CLYBL: variants seen among roughly 807,000 people sequenced by gnomAD.
The protein encoded by CLYBL is citramalyl-CoA lyase.
A neutral mutation model predicts 38.9 loss-of-function variants in CLYBL; 31 were observed. That is an observed-to-expected ratio of 0.80 (90% confidence interval 0.60 to 1.08). The LOEUF (loss-of-function observed/expected upper bound fraction) is 1.08. Among genes scored for constraint, CLYBL ranks in the 50% least tolerant of loss-of-function variants. The probability of loss-of-function intolerance (pLI) is 0.00; values close to 1 mark genes in which losing one functional copy is unlikely to be tolerated. For synonymous variants in CLYBL, 171 were observed against 158.6 expected, an observed-to-expected ratio of 1.08 and a Z score of -0.59; for missense variants, 434 against 411.6, an observed-to-expected ratio of 1.05 and a Z score of -0.47.
intron 7 of CLYBL, among the ~76,000 whole-genome samples, chr13:99,890,166 G>A (rs2052452468): frequency 6.6e-6 from 1 of 152,166 alleles, no homozygotes; most frequent in African/African-American, 2.4e-5. Flanking sequence ...TCTTCTTAAT[G>A]TGGGGATCTC....
At position 99,682,952 on chromosome 13, in the gene CLYBL, G is replaced by A. The variant is rs368142588; in HGVS notation, c.62+76195G>A. Among the ~76,000 whole-genome samples, 165 of 152,110 alleles carry A rather than the reference G, an allele frequency of 1.1e-3. 4 individuals carry two copies. The East Asian group carries it at 0.025, about 23-fold the overall frequency. ...GGGGTTTCGCCATGTTGGCCAGGCT[G>A]GTCTCGAACTCCTGACCTCAGGTGA... On this transcript the variant is annotated intron_variant, in intron 1 of 8. Coordinates refer to ENST00000339105, the MANE Select transcript of CLYBL (RefSeq NM_206808.5).
At chr13:99,803,582 A>G (rs746649298) in intron 2 of CLYBL, among the ~76,000 whole-genome samples, 1 of 152,226 alleles carries the variant, frequency 6.6e-6, no homozygotes, top group Non-Finnish European at 1.5e-5. Flanking sequence ...GACTTTCCTA[A>G]TATGTGTAAT....
chr13:99,739,948 G>A (rs2048724927), intron 1 of CLYBL, among the ~76,000 whole-genome samples: 1 of 151,940 alleles, frequency 6.6e-6, no homozygotes. Context: ...TCCGGCCTGG[G>A]CAAGAAAAGC....
chr13:99,825,415 A>G (rs2050676029), intron 2 of CLYBL, among the ~76,000 whole-genome samples: 3 of 152,180 alleles, frequency 2.0e-5, no homozygotes, highest in South Asian at 2.1e-4. Context: ...TGCCCTGTAA[A>G]TGTTGCTTAT....
At chr13:99,639,071 A>G (rs529910177) in intron 1 of CLYBL, among the ~76,000 whole-genome samples, 2 of 152,340 alleles carry the variant, frequency 1.3e-5, no homozygotes, top group South Asian at 4.1e-4. Flanking sequence ...TTTGAAAAAA[A>G]TCATCTGCTT....
chr13:99,785,160 T>C (rs1312582608), intron 2 of CLYBL, among the ~76,000 whole-genome samples: 4 of 141,412 alleles, frequency 2.8e-5, no homozygotes. Flanking sequence ...CCCAAAGAGC[T>C]GGGATTACAG....
At chr13:99,875,415 C>T (rs1247837603) in intron 7 of CLYBL, among the ~76,000 whole-genome samples, 1 of 152,196 alleles carries the variant, frequency 6.6e-6, no homozygotes, top group African/African-American at 2.4e-5. Flanking sequence ...ATACATCCCT[C>T]CTCCCAAAAT....
chr13:99,906,486 C>T (rs1055705423), intron 9 of CLYBL, among the ~76,000 whole-genome samples: 4 of 151,632 alleles, frequency 2.6e-5, no homozygotes, highest in African/African-American at 7.3e-5. Context: ...CCCAGTGGCG[C>T]GATCTCGGCT....
chr13:99,822,368 C>G (rs546367024), intron 2 of CLYBL, among the ~76,000 whole-genome samples: 2 of 152,282 alleles, frequency 1.3e-5, no homozygotes, highest in South Asian at 4.1e-4. Context: ...AAAACTGGGA[C>G]AGGATCAGAG....
At chr13:99,661,519 C>CT (rs2047409312) in intron 1 of CLYBL, among the ~76,000 whole-genome samples, 1 of 152,008 alleles carries the variant, frequency 6.6e-6, no homozygotes, top group Non-Finnish European at 1.5e-5. Flanking sequence ...TTTTTTATCC[C>CT]TTTTTGCATA....
At chr13:99,881,891 T>C (rs917697126) in intron 7 of CLYBL, among the ~76,000 whole-genome samples, 2 of 152,200 alleles carry the variant, frequency 1.3e-5, no homozygotes, top group African/African-American at 4.8e-5. Flanking sequence ...CTAGTATTTC[T>C]GGTATTGTAA....
chr13:99,716,223 C>G (rs539504347), intron 1 of CLYBL, among the ~76,000 whole-genome samples: 14 of 85,596 alleles, frequency 1.6e-4, no homozygotes, highest in African/African-American at 6.2e-4. Context: ...CAAGGTCTCG[C>G]TATGTTGCTC....
At chr13:99,666,198 G>T (rs1000937038) in intron 1 of CLYBL, among the ~76,000 whole-genome samples, 3 of 152,180 alleles carry the variant, frequency 2.0e-5, no homozygotes, top group Non-Finnish European at 4.4e-5. Flanking sequence ...AGTGACGGGG[G>T]TTAAGGGAAG....
At chr13:99,607,826 C>CT (rs2046552686) in intron 1 of CLYBL, among the ~76,000 whole-genome samples, 1 of 152,116 alleles carries the variant, frequency 6.6e-6, no homozygotes, top group African/African-American at 2.4e-5. Context: ...TTACTGCAAC[C>CT]TCCACCTCCT....
chr13:99,716,858 C>T (rs1367041410), intron 1 of CLYBL, among the ~76,000 whole-genome samples: 6 of 133,610 alleles, frequency 4.5e-5, no homozygotes, highest in African/African-American at 1.7e-4. Context: ...ATGGCACGAT[C>T]TTGGCTCACC....
intron 1 of CLYBL, among the ~76,000 whole-genome samples, chr13:99,633,264 G>C (rs941272413): frequency 4.0e-5 from 6 of 149,902 alleles, no homozygotes; most frequent in Non-Finnish European, 7.4e-5. Context: ...ATAAGGCCAG[G>C]TGTGGTAGCT....
At chr13:99,777,496 CT>C (rs200830971) in intron 2 of CLYBL, among the ~76,000 whole-genome samples, 73 of 143,220 alleles carry the variant, frequency 5.1e-4, no homozygotes, top group Non-Finnish European at 5.6e-4. Flanking sequence ...CTTTTCTTTT[CT>C]TTTTTTTTTT....
chr13:99,629,211 AG>A (rs943489613), intron 1 of CLYBL, among the ~76,000 whole-genome samples: 4 of 152,216 alleles, frequency 2.6e-5, no homozygotes, highest in African/African-American at 9.7e-5. Flanking sequence ...TGGCCCTGAC[AG>A]GGGGCTATCC....
At chr13:99,823,097 CT>C (rs1475618935) in intron 2 of CLYBL, among the ~76,000 whole-genome samples, 1 of 150,800 alleles carries the variant, frequency 6.6e-6, no homozygotes, top group Non-Finnish European at 1.5e-5. Context: ...CTTATGTTTA[CT>C]TTACTGTTTT....
Sources: allele counts gnomAD v4.1 joint callset (sites outside exome capture counted in the v4.1 genomes callset), GRCh38; gene constraint gnomAD v4.1.1; transcripts MANE v1.5; gene names NCBI Gene and HGNC (gene_info 2026-07-23, HGNC 2026-07-21).